The following SLC26A2 variants were observed in gnomAD, a reference collection of about 807,000 sequenced individuals.
The protein encoded by SLC26A2 is sulfate transporter.
SLC26A2 carries 36 observed loss-of-function variants against 41.1 expected under a neutral mutation model. The ratio of observed to expected loss-of-function variants is 0.88; its 90% CI spans 0.67 to 1.16. The LOEUF (loss-of-function observed/expected upper bound fraction) is 1.16. Among genes scored for constraint, SLC26A2 ranks in the 50% most tolerant of loss-of-function variants. The pLI is 0.00. For synonymous variants in SLC26A2, 291 were observed against 311.6 expected (o/e 0.93, Z 0.70); for missense variants, 796 against 869.6 (o/e 0.92, Z 1.07).
chr5:149,980,337 C>G lies in SLC26A2; in HGVS notation c.744C>G (p.Leu248=), dbSNP rs1248749635. 1.9e-6 allele frequency: 3 copies of G among 1,614,040 alleles called. No individual in the cohort carries two copies. In the African/African-American group the frequency reaches 4.0e-5, roughly 22 times the overall value. The change falls in exon 3 of 3, where the codon CTC becomes CTG. Residue 248 remains leucine (L), a synonymous_variant. Coordinates refer to ENST00000286298, the MANE Select transcript of SLC26A2 (RefSeq NM_000112.4). The part of the protein sequence containing the change: ...FFQVGFVSVY[L]SDALLSGFVT... ...AAGTGGGTTTTGTTTCTGTCTACCT[C>G]TCAGATGCCTTGCTGAGTGGATTTG...
chr5:149,980,578 C>A lies in SLC26A2; in HGVS notation c.985C>A (p.Leu329Ile). 1 of 1,614,178 alleles carries A rather than the reference C, an allele frequency of 6.2e-7. No homozygotes were observed. The highest frequency in any genetic ancestry group is 8.5e-7 in the Non-Finnish European group (1 of 1,180,032). ...KELNEHFKSKLKAPIPIELVV... is the reference protein window; with the variant it reads ...KELNEHFKSKIKAPIPIELVV... ...ACTCAATGAACACTTCAAATCCAAGCTTAAGGCACCGATTCCTATTGAACT... is the reference window on the plus strand; with the variant it reads ...ACTCAATGAACACTTCAAATCCAAGATTAAGGCACCGATTCCTATTGAACT... Residue 329 changes from leucine to isoleucine, a missense_variant, in exon 3 of 3, where the codon CTT becomes ATT. Physicochemically the swap from Leu to Ile is conservative, Grantham distance 5 (BLOSUM62 2). Coordinates refer to ENST00000286298, the MANE Select transcript of SLC26A2 (RefSeq NM_000112.4).
chr5:149,969,045 A>G (rs1581227184), intron 1 of SLC26A2, among the ~76,000 whole-genome samples: 2 of 152,340 alleles, frequency 1.3e-5, no homozygotes, highest in Middle Eastern at 3.4e-3. Context: ...CCCGGCCTCA[A>G]ATGTCTTTTA....
In SLC26A2 at chr5:149,982,012, A is replaced by T; in HGVS notation, c.*199A>T. The stretch of plus-strand genomic sequence containing the variant: ...TAGCTGGACAGAGTCAAAAAGAAGA[A>T]AATACGGTTTCAGGCTTTCTTGCAG... On this transcript the variant is annotated 3_prime_UTR_variant, in exon 3 of 3. Coordinates refer to ENST00000286298, the MANE Select transcript of SLC26A2 (RefSeq NM_000112.4). The T allele has an allele frequency of 1.7e-6, 1 of 581,098 alleles. No homozygotes were observed. 36.0% of individuals were successfully genotyped at this position (581,098 alleles called of 1,614,324 possible).
At chr5:149,967,409 T>TA (rs1443825092) in intron 1 of SLC26A2, among the ~76,000 whole-genome samples, 1 of 152,164 alleles carries the variant, frequency 6.6e-6, no homozygotes, top group Admixed American at 6.5e-5. Flanking sequence ...TACCCCACCT[T>TA]ACTTCCTATC....
At chr5:149,972,730 CCTAT>C (rs1257489167) in intron 1 of SLC26A2, among the ~76,000 whole-genome samples, 3 of 152,092 alleles carry the variant, frequency 2.0e-5, no homozygotes, top group Non-Finnish European at 4.4e-5. Flanking sequence ...ATTTTTTAAT[CCTAT>C]CTGACAGTCT....
chr5:149,981,699 G>T lies in SLC26A2; in HGVS notation c.2106G>T (p.Lys702Asn). Reference protein sequence around the residue: ...DSLTNGEYCKKEEENLLFYSV... With the variant: ...DSLTNGEYCKNEEENLLFYSV... ...TAACCAACGGAGAATATTGCAAAAA[G>T]GAAGAAGAAAACCTTCTCTTCTATA... The change falls in exon 3 of 3, where the codon AAG (lysine) becomes AAT (asparagine). Residue 702 changes from lysine (K) to asparagine (N), a missense_variant. Lys to Asn is a moderately conservative substitution (Grantham distance 94). Transcript: ENST00000286298. 6.2e-7 allele frequency: 1 copy of T among 1,611,340 alleles called. No individual in the cohort carries two copies. Among genetic ancestry groups the T allele is most frequent in the Non-Finnish European group, 8.5e-7 (1 of 1,179,148 alleles).
At chr5:149,964,180 G>C (rs1481275079) in intron 1 of SLC26A2, among the ~76,000 whole-genome samples, 1 of 152,138 alleles carries the variant, frequency 6.6e-6, no homozygotes, top group East Asian at 1.9e-4. Flanking sequence ...TGAAGAAGAG[G>C]CATAGTGCTT....
At chr5:149,973,131 C>A (rs899948935) in intron 1 of SLC26A2, among the ~76,000 whole-genome samples, 2 of 151,804 alleles carry the variant, frequency 1.3e-5, no homozygotes, top group South Asian at 2.1e-4. Flanking sequence ...CCAGCCTGGG[C>A]AACATAGTGA....
At chr5:149,980,260 T>G in intron 2 of SLC26A2, 33 bp from the exon 3 acceptor site, 1 of 1,554,584 alleles carries the variant, frequency 6.4e-7, no homozygotes, top group Non-Finnish European at 8.9e-7. Context: ...TCTTTTCCAT[T>G]TATATTTAAC....
At chr5:149,966,156 C>T (rs1754801842) in intron 1 of SLC26A2, among the ~76,000 whole-genome samples, 2 of 152,316 alleles carry the variant, frequency 1.3e-5, no homozygotes, top group African/African-American at 2.4e-5. Flanking sequence ...CCGCATGCCT[C>T]GGCCTTCCGA....
chr5:149,972,839 CTGTTTTTTA>C (rs1581228566), intron 1 of SLC26A2, among the ~76,000 whole-genome samples: 1 of 152,168 alleles, frequency 6.6e-6, no homozygotes, highest in African/African-American at 2.4e-5. Flanking sequence ...TTTGTTCCAT[CTGTTTTTTA>C]TGTTTTATCT....
rs764878581 is a variant in SLC26A2 at position 149,978,269 on chromosome 5, A to G, written c.617A>G (p.His206Arg). 1.2e-5 allele frequency: 20 copies of G among 1,614,086 alleles called. No homozygotes were observed. In the Admixed American group the frequency reaches 2.2e-4, roughly 17 times the overall value. Residue 206 changes from histidine (H) to arginine (R), a missense_variant, in exon 2 of 3, where the codon CAT becomes CGT. By Grantham distance (29) the His-to-Arg change is conservative (BLOSUM62 0). Transcript: ENST00000286298. ...MVSNGSTLLN[H>R]TSDRICDKSC... The stretch of plus-strand genomic sequence containing the variant: ...TCAAATGGGAGCACATTATTAAATC[A>G]TACATCAGACAGGATATGTGACAAA...
chr5:149,964,549 G>T (rs571170805), intron 1 of SLC26A2, among the ~76,000 whole-genome samples: 2 of 151,724 alleles, frequency 1.3e-5, no homozygotes, highest in African/African-American at 4.8e-5. Flanking sequence ...AGGCCGAGGC[G>T]GGCGGATCAC....
chr5:149,981,503 T>A lies in SLC26A2; in HGVS notation c.1910T>A (p.Val637Glu). Residue 637 changes from valine to glutamate, a missense_variant, in exon 3 of 3, where the codon GTG becomes GAG. Coordinates refer to ENST00000286298, the MANE Select transcript of SLC26A2 (RefSeq NM_000112.4). ...TLGGIQDEMS[V>E]QLSHDPLELH... ...GGTGGAATCCAGGATGAAATGTCAG[T>A]GCAACTTTCCCATGATCCCTTGGAG... The A allele has an allele frequency of 1.2e-6, 2 of 1,614,130 alleles. No homozygotes were observed. Among genetic ancestry groups the A allele is most frequent in the South Asian group, 2.2e-5 (2 of 91,080 alleles).
chr5:149,981,154 T>A lies in SLC26A2; in HGVS notation c.1561T>A (p.Ser521Thr). 6 of 1,614,184 alleles carry A rather than the reference T, an allele frequency of 3.7e-6. No homozygotes were observed. The highest frequency in any genetic ancestry group is 5.1e-6 in the Non-Finnish European group (6 of 1,180,022). Residue 521 changes from serine (S) to threonine (T), a missense_variant, in exon 3 of 3, where the codon TCC becomes ACC. Coordinates refer to ENST00000286298, the MANE Select transcript of SLC26A2 (RefSeq NM_000112.4). ...AGTTATCTGGTTTGTTACTATGCTG[T>A]CCTCTGCACTGCTAAGTACTGAAAT... ...DTVIWFVTML[S>T]SALLSTEIGL...
rs923049183 is a variant in SLC26A2, at chr5:149,983,044, A to G, written c.*1231A>G. The G allele has an allele frequency of 2.6e-5, 4 of 152,208 alleles. No homozygotes were observed. Among genetic ancestry groups the G allele is most frequent in the Non-Finnish European group, 5.9e-5 (4 of 68,004 alleles). The allele number at this position is 152,208 out of a possible 1,614,324, so 9.4% of individuals were successfully genotyped here. A position where few individuals can be genotyped will look rare whatever the true frequency, so the allele number is the denominator to read the frequency against. On this transcript the variant is annotated 3_prime_UTR_variant, in exon 3 of 3. Coordinates refer to ENST00000286298, the MANE Select transcript of SLC26A2 (RefSeq NM_000112.4). ...CTTAAAAAAAAAAAAAGTAAACTGC[A>G]AAAGTACAAAATCATTTTTCAATCT... is the stretch of plus-strand genomic sequence containing the variant.
At position 149,986,156 on chromosome 5, in the gene SLC26A2, G is replaced by A. The variant is rs1444053539; in HGVS notation, c.*4343G>A. ...CTGTTAGATCATTGAGTGGTGTTGA[G>A]AGTGAAGTTTCACTAGCAGGGAAGT... is the stretch of plus-strand genomic sequence containing the variant. On this transcript the variant is annotated 3_prime_UTR_variant, in exon 3 of 3. Transcript: ENST00000286298. The A allele has an allele frequency of 6.6e-6, 1 of 152,148 alleles. No individual in the cohort carries two copies. The highest frequency in any genetic ancestry group is 2.4e-5 in the African/African-American group (1 of 41,436). 9.4% of individuals were successfully genotyped at this position (152,148 alleles called of 1,614,324 possible). A position where few individuals can be genotyped will look rare whatever the true frequency, so the allele number is the denominator to read the frequency against.
rs1225892540 is a variant in SLC26A2 at position 149,978,499 on chromosome 5, A to G, written c.699+148A>G. On this transcript the variant is annotated intron_variant, in intron 2 of 2. Transcript: ENST00000286298. The stretch of plus-strand genomic sequence containing the variant: ...ATATGAAGGGTAGAGGCAAAATTCA[A>G]ACCCTAACCTGACTCCACAGGTAAT... 1.2e-5 allele frequency: 9 copies of G among 751,106 alleles called. No homozygotes were observed. In the South Asian group the frequency reaches 1.4e-4, roughly 12 times the overall value. The allele number at this position is 751,106 out of a possible 1,614,324, so 46.5% of individuals were successfully genotyped here. A position where few individuals can be genotyped will look rare whatever the true frequency, so the allele number is the denominator to read the frequency against.
At chr5:149,967,303 C>T (rs1269094759) in intron 1 of SLC26A2, among the ~76,000 whole-genome samples, 1 of 152,116 alleles carries the variant, frequency 6.6e-6, no homozygotes, top group Non-Finnish European at 1.5e-5. Flanking sequence ...GGTACTCTCT[C>T]TATATATATA....
Sources: allele counts gnomAD v4.1 joint callset (sites outside exome capture counted in the v4.1 genomes callset), GRCh38; gene constraint gnomAD v4.1.1; transcripts MANE v1.5; gene names NCBI Gene and HGNC (gene_info 2026-07-23, HGNC 2026-07-21).